CNTN1: variants seen among roughly 807,000 people sequenced by gnomAD.
The protein encoded by CNTN1 is contactin-1.
In CNTN1, 38 loss-of-function variants were observed where a neutral mutation model predicts 126.4. The ratio of observed to expected loss-of-function variants is 0.30; its 90% CI spans 0.23 to 0.39. The LOEUF (loss-of-function observed/expected upper bound fraction) is 0.39. Ranked by LOEUF, CNTN1 falls within the 10% of genes least tolerant of loss-of-function variation. The pLI is 1.00. For synonymous variants in CNTN1, 413 were observed against 422.6 expected (o/e 0.98, Z 0.28); for missense variants, 1,009 against 1,248.4 (o/e 0.81, Z 2.89).
In CNTN1 at chr12:40,768,503, A is replaced by T. The variant is rs373056235; in HGVS notation, c.-77+75911A>T. ...TTCCTAACCCTCTGTCTTTTTCTCA[A>T]CTAGGCACTAGTAAGCATCTTGTAT... is the stretch of plus-strand genomic sequence containing the variant. On this transcript the variant is annotated intron_variant, in intron 1 of 23. Coordinates refer to ENST00000551295, the MANE Select transcript of CNTN1 (RefSeq NM_001843.4). Among the ~76,000 whole-genome samples, 52 of 152,372 alleles carry T rather than the reference A, an allele frequency of 3.4e-4. No individual in the cohort carries two copies. In the East Asian group the frequency reaches 7.1e-3, roughly 21 times the overall value.
chr12:40,972,932 C>T lies in CNTN1; in HGVS notation c.1805-7977C>T, dbSNP rs1009156880. 2.6e-5 allele frequency among the ~76,000 whole-genome samples: 4 copies of T among 152,168 alleles called. No individual in the cohort carries two copies. The East Asian group carries it at 7.7e-4, about 29-fold the overall frequency. ...ATGTGCACAATGTGCAGGTTAGTTA[C>T]ATATGTATACATGTGCCATGCTGGT... On this transcript the variant is annotated intron_variant, in intron 15 of 23. Transcript: ENST00000551295.
chr12:40,824,161 T>C (rs917483716), intron 1 of CNTN1, among the ~76,000 whole-genome samples: 5 of 152,096 alleles, frequency 3.3e-5, no homozygotes, highest in Admixed American at 6.6e-5. Context: ...TCCTATATAA[T>C]CAATATTTTA....
intron 1 of CNTN1, among the ~76,000 whole-genome samples, chr12:40,713,479 A>G (rs775337960): frequency 6.6e-6 from 1 of 151,292 alleles, no homozygotes; most frequent in Non-Finnish European, 1.5e-5. Context: ...AATGCAGAAT[A>G]AACTTACTCA....
chr12:40,740,382 T>C (rs1263400137), intron 1 of CNTN1, among the ~76,000 whole-genome samples: 1 of 151,934 alleles, frequency 6.6e-6, no homozygotes. Context: ...CTGGAAATTA[T>C]AGTAACTCTA....
At chr12:40,851,712 A>C (rs958433598) in intron 1 of CNTN1, among the ~76,000 whole-genome samples, 28 of 151,668 alleles carry the variant, frequency 1.8e-4, no homozygotes, top group African/African-American at 6.5e-4. Context: ...ACAGACATCC[A>C]GCAAGGAGGC....
chr12:41,044,302 A>G (rs2120978096), intron 23 of CNTN1, among the ~76,000 whole-genome samples: 1 of 152,212 alleles, frequency 6.6e-6, no homozygotes, highest in South Asian at 2.1e-4. Context: ...GATTAAAACA[A>G]TTTATGATGC....
intron 17 of CNTN1, among the ~76,000 whole-genome samples, chr12:41,012,170 A>C (rs560034178): frequency 6.6e-6 from 1 of 152,002 alleles, no homozygotes; most frequent in African/African-American, 2.4e-5. Flanking sequence ...AGTGACCTTG[A>C]CATGCCATGT....
At chr12:40,755,833 T>C (rs1044734160) in intron 1 of CNTN1, among the ~76,000 whole-genome samples, 2 of 152,086 alleles carry the variant, frequency 1.3e-5, no homozygotes, top group African/African-American at 4.8e-5. Context: ...TATTATTATA[T>C]GGTACTTGCC....
Position 40,937,654 on chromosome 12 carries a change from G to C in CNTN1, c.1195G>C (p.Ala399Pro). The C allele has an allele frequency of 6.2e-7, 1 of 1,611,404 alleles. No homozygotes were observed. The highest frequency in any genetic ancestry group is 8.5e-7 in the Non-Finnish European group (1 of 1,177,698). ...GTGCATAGCTGAAAACACATATGGAGCCATTTATGCAAATGCTGAGTTGAA... is the reference window on the plus strand; with the variant it reads ...GTGCATAGCTGAAAACACATATGGACCCATTTATGCAAATGCTGAGTTGAA... ...YQCIAENTYGAIYANAELKIL... is the reference protein window; with the variant it reads ...YQCIAENTYGPIYANAELKIL... The change falls in exon 11 of 24, where the codon GCC becomes CCC. Residue 399 changes from alanine (A) to proline (P), a missense_variant. Coordinates refer to ENST00000551295, the MANE Select transcript of CNTN1 (RefSeq NM_001843.4).
chr12:40,987,056 T>C (rs1947972496), intron 16 of CNTN1, among the ~76,000 whole-genome samples: 1 of 152,202 alleles, frequency 6.6e-6, no homozygotes, highest in Admixed American at 6.5e-5. Flanking sequence ...TGGTGGTTTA[T>C]AGATTATCTA....
At chr12:40,772,953 G>A (rs1029451695) in intron 1 of CNTN1, among the ~76,000 whole-genome samples, 14 of 151,824 alleles carry the variant, frequency 9.2e-5, no homozygotes, top group African/African-American at 3.4e-4. Context: ...TGGAAAAGAA[G>A]TATACATATC....
intron 1 of CNTN1, among the ~76,000 whole-genome samples, chr12:40,769,376 T>A (rs775517673): frequency 6.6e-6 from 1 of 152,186 alleles, no homozygotes; most frequent in African/African-American, 2.4e-5. Flanking sequence ...TTAAATATCA[T>A]AGCCAATTGT....
chr12:40,962,006 T>G (rs2137015402), intron 15 of CNTN1, among the ~76,000 whole-genome samples: 1 of 152,152 alleles, frequency 6.6e-6, no homozygotes, highest in South Asian at 2.1e-4. Flanking sequence ...GCTGCTGAAA[T>G]TAGTGGTGCA....
In CNTN1 at chr12:41,029,110, T is replaced by C. The variant is rs1479459280; in HGVS notation, c.2871T>C (p.Thr957=). The C allele has an allele frequency of 6.2e-7, 1 of 1,613,934 alleles. No homozygotes were observed. The highest frequency in any genetic ancestry group is 1.3e-5 in the African/African-American group (1 of 74,876). ...AGCATGATGGCAAGCTGTATTCAAC[T>C]CACAAACACTCCATAGAAGTCCCAA... ...DGQHDGKLYS[T]HKHSIEVPIP... The change falls in exon 23 of 24, where the codon ACT becomes ACC. Residue 957 remains threonine, a synonymous_variant. Coordinates refer to ENST00000551295, the MANE Select transcript of CNTN1 (RefSeq NM_001843.4).
chr12:40,955,595 A>G (rs1946847443), intron 14 of CNTN1, among the ~76,000 whole-genome samples: 1 of 152,120 alleles, frequency 6.6e-6, no homozygotes, highest in African/African-American at 2.4e-5. Flanking sequence ...TAATAAAAAC[A>G]CTTTAGATTA....
chr12:40,947,774 T>TAC (rs1946482686), intron 14 of CNTN1, among the ~76,000 whole-genome samples: 3 of 81,212 alleles, frequency 3.7e-5, no homozygotes, highest in Admixed American at 3.3e-4. Flanking sequence ...CATATATATA[T>TAC]ATATATATAC....
chr12:40,827,388 A>T (rs1041995623), intron 1 of CNTN1, among the ~76,000 whole-genome samples: 11 of 150,276 alleles, frequency 7.3e-5, no homozygotes, highest in African/African-American at 2.7e-4. Context: ...TTTGTAAATT[A>T]AACTTTTCTA....
chr12:40,780,957 T>C (rs1939774933), intron 1 of CNTN1, among the ~76,000 whole-genome samples: 1 of 151,702 alleles, frequency 6.6e-6, no homozygotes, highest in South Asian at 2.1e-4. Flanking sequence ...TATGACTCAT[T>C]AATGCATCAG....
intron 23 of CNTN1, among the ~76,000 whole-genome samples, chr12:41,043,987 T>C (rs1592452602): frequency 1.0e-5 from 1 of 100,292 alleles, no homozygotes; most frequent in Admixed American, 1.5e-4. Flanking sequence ...CATCACACTC[T>C]GGGGACTGTT....
Sources: allele counts gnomAD v4.1 joint callset (sites outside exome capture counted in the v4.1 genomes callset), GRCh38; gene constraint gnomAD v4.1.1; transcripts MANE v1.5; gene names NCBI Gene and HGNC (gene_info 2026-07-23, HGNC 2026-07-21).